Variants in MLIP observed in about 807,000 individuals in gnomAD.
The protein encoded by MLIP is muscular LMNA-interacting protein.
In MLIP, 79 loss-of-function variants were observed where a neutral mutation model predicts 84.8. The observed-to-expected ratio is 0.93, with a 90% CI of 0.78 to 1.12. The LOEUF is 1.12. Ranked by LOEUF, MLIP falls within the 50% of genes most tolerant of loss-of-function variation. The probability of loss-of-function intolerance (pLI) is 0.00; values close to 1 mark genes in which losing one functional copy is unlikely to be tolerated. For missense variants in MLIP, 1,257 were observed against 1,160.6 expected, an observed-to-expected ratio of 1.08 and a Z score of -1.21; for synonymous variants, 504 against 463.0, an observed-to-expected ratio of 1.09 and a Z score of -1.14.
chr6:54,023,816 C>G (rs144637937), intron 1 of MLIP, among the ~76,000 whole-genome samples: 3 of 152,124 alleles, frequency 2.0e-5, no homozygotes, highest in South Asian at 2.1e-4. Context: ...GTGATCCACC[C>G]GCCTCAGCCT....
chr6:54,201,108 G>A (rs372834063), intron 10 of MLIP, among the ~76,000 whole-genome samples: 25 of 152,248 alleles, frequency 1.6e-4, no homozygotes, highest in African/African-American at 5.5e-4. Context: ...GACATTTTAC[G>A]GGGTAACAAG....
chr6:54,183,594 A>C (rs1381575511), intron 9 of MLIP, among the ~76,000 whole-genome samples: 1 of 151,962 alleles, frequency 6.6e-6, no homozygotes, highest in Non-Finnish European at 1.5e-5. Context: ...CCGTCTACCA[A>C]CTATGTTCAT....
intron 12 of MLIP, among the ~76,000 whole-genome samples, chr6:54,235,395 T>C (rs1459402465): frequency 1.3e-5 from 2 of 152,184 alleles, no homozygotes; most frequent in Non-Finnish European, 1.5e-5. Context: ...CCCTCCTCTT[T>C]TGTGACATTT....
At chr6:54,083,594 G>T (rs953705067) in intron 1 of MLIP, 1 of 1,535,964 alleles carries the variant, frequency 6.5e-7, no homozygotes, top group Non-Finnish European at 8.7e-7. Flanking sequence ...ATGTGCAGCT[G>T]GTACCTTGGA....
At chr6:54,025,953 G>T (rs978105977) in intron 1 of MLIP, among the ~76,000 whole-genome samples, 22 of 152,214 alleles carry the variant, frequency 1.4e-4, no homozygotes, top group African/African-American at 5.3e-4. Flanking sequence ...TCCAGAGATA[G>T]CATCCAGAGT....
At chr6:54,106,825 A>G (rs1208641295), upstream of MLIP, among the ~76,000 whole-genome samples, 1 of 152,220 alleles carries the variant, frequency 6.6e-6, no homozygotes, top group Non-Finnish European at 1.5e-5. Context: ...CAGAGAAGCC[A>G]TCCAGTCTGG....
chr6:54,147,246 G>T (rs1457855940), intron 4 of MLIP, among the ~76,000 whole-genome samples: 1 of 152,158 alleles, frequency 6.6e-6, no homozygotes, highest in East Asian at 1.9e-4. Context: ...CTCTTTATGG[G>T]CTGCGTGGTC....
intron 1 of MLIP, chr6:54,029,533 T>C (rs547944899): frequency 6.6e-6 from 1 of 152,410 alleles, no homozygotes; most frequent in East Asian, 1.9e-4. Context: ...TCCCGGAGTA[T>C]ATTTCTGTTC....
At chr6:54,247,973 C>T (rs1048186029) in intron 12 of MLIP, among the ~76,000 whole-genome samples, 3 of 152,172 alleles carry the variant, frequency 2.0e-5, no homozygotes, top group Non-Finnish European at 2.9e-5. Flanking sequence ...GATATTACAC[C>T]TGGGATCTGG....
intron 9 of MLIP, among the ~76,000 whole-genome samples, chr6:54,177,370 A>G (rs1285913318): frequency 6.6e-6 from 1 of 152,172 alleles, no homozygotes; most frequent in African/African-American, 2.4e-5. Flanking sequence ...CAACCCCACT[A>G]AAAGGTGGAC....
At chr6:54,070,673 C>CT (rs1194504573) in intron 1 of MLIP, among the ~76,000 whole-genome samples, 3 of 152,030 alleles carry the variant, frequency 2.0e-5, no homozygotes, top group African/African-American at 7.2e-5. Context: ...GATTCTTTAT[C>CT]TTTTTTGAGT....
intron 3 of MLIP, among the ~76,000 whole-genome samples, chr6:54,135,843 A>T (rs1303498511): frequency 1.3e-5 from 2 of 152,136 alleles, no homozygotes; most frequent in Non-Finnish European, 2.9e-5. Flanking sequence ...GACTACCTAC[A>T]TCCAGTTGTT....
intron 8 of MLIP, among the ~76,000 whole-genome samples, chr6:54,163,232 G>A (rs1372612390): frequency 1.3e-5 from 2 of 151,770 alleles, no homozygotes; most frequent in African/African-American, 2.4e-5. Flanking sequence ...TTTCCTAGAT[G>A]TATCTTTTAC....
At position 54,157,690 on chromosome 6, in the gene MLIP, C is replaced by T. The variant is rs74944474; in HGVS notation, c.2290-2677C>T. Among the ~76,000 whole-genome samples the T allele has an allele frequency of 9.1e-3, 1,390 of 152,172 alleles. 23 individuals are homozygous for T. The highest frequency in any genetic ancestry group is 0.032 in the African/African-American group (1,319 of 41,542). ...TGTAACACAAGGAAAGGAACCTCTC[C>T]CCCTTTAACAAGGTGAACAGGAGGT... On this transcript the variant is annotated intron_variant, in intron 5 of 13. Coordinates refer to ENST00000502396, the MANE Select transcript of MLIP (RefSeq NM_001281747.2).
At chr6:54,084,088 C>T (rs1323429687) in intron 1 of MLIP, among the ~76,000 whole-genome samples, 5 of 152,122 alleles carry the variant, frequency 3.3e-5, no homozygotes, top group Non-Finnish European at 7.4e-5. Context: ...AACATAGTCT[C>T]AGTTATGCTT....
At chr6:54,225,964 C>A (rs186545583) in intron 11 of MLIP, among the ~76,000 whole-genome samples, 25 of 152,244 alleles carry the variant, frequency 1.6e-4, no homozygotes, top group Admixed American at 7.8e-4. Context: ...GAAAAGCTGA[C>A]ATAGCAACCC....
chr6:54,027,431 A>G (rs974713642), intron 1 of MLIP, among the ~76,000 whole-genome samples: 1 of 150,996 alleles, frequency 6.6e-6, no homozygotes, highest in African/African-American at 2.4e-5. Flanking sequence ...ATATATACAT[A>G]AAATCTGTGT....
At chr6:54,062,918 T>C (rs943593779) in intron 1 of MLIP, among the ~76,000 whole-genome samples, 1 of 152,088 alleles carries the variant, frequency 6.6e-6, no homozygotes, top group African/African-American at 2.4e-5. Context: ...ATGGGTCAAA[T>C]TGGGCTGCAT....
chr6:54,199,171 A>G (rs923384497), intron 10 of MLIP, among the ~76,000 whole-genome samples: 9 of 152,248 alleles, frequency 5.9e-5, no homozygotes, highest in African/African-American at 9.6e-5. Flanking sequence ...ATTAGACAGG[A>G]TAAGTTACAG....
Sources: gnomAD v4.1 joint callset for allele counts (sites outside exome capture counted in the v4.1 genomes callset) on GRCh38, gnomAD v4.1.1 for gene constraint, MANE v1.5 for transcripts, NCBI Gene and HGNC (gene_info 2026-07-23, HGNC 2026-07-21) for gene names.